Variants in CD96 observed in about 807,000 individuals in gnomAD.
CD96 encodes T-cell surface protein tactile.
CD96 carries 70 observed loss-of-function variants against 71.3 expected under a neutral mutation model. That is an observed-to-expected ratio of 0.98 (90% CI 0.81 to 1.20). The LOEUF is 1.20. Ranked by LOEUF, CD96 falls within the 50% of genes most tolerant of loss-of-function variation. The pLI is 0.00. For synonymous variants in CD96, 248 were observed against 233.0 expected, an observed-to-expected ratio of 1.06 and a Z score of -0.59; for missense variants, 742 against 677.5, an observed-to-expected ratio of 1.10 and a Z score of -1.06.
At position 111,550,584 on chromosome 3, in the gene CD96, C is replaced by T. The variant is rs148847125; in HGVS notation, c.418+5182C>T. Among the ~76,000 whole-genome samples the T allele has an allele frequency of 5.3e-5, 8 of 149,966 alleles. No homozygotes were observed. In the East Asian group the frequency reaches 5.9e-4, roughly 11 times the overall value. On this transcript the variant is annotated intron_variant, in intron 2 of 13. Transcript: ENST00000352690. Reference sequence around the variant, plus strand: ...ACTCACAACACAAGTAGGACTACCCCGATATTGAAAAAAAAAGAACAGTTT... The same window carrying T: ...ACTCACAACACAAGTAGGACTACCCTGATATTGAAAAAAAAAGAACAGTTT...
chr3:111,637,775 T>C (rs1939400100), intron 11 of CD96, among the ~76,000 whole-genome samples: 1 of 145,354 alleles, frequency 6.9e-6, no homozygotes, highest in Admixed American at 7.2e-5. Context: ...ATCATTTTGT[T>C]GTTTGGAAGT....
At chr3:111,591,107 G>C (rs544761433) in intron 5 of CD96, among the ~76,000 whole-genome samples, 2 of 152,242 alleles carry the variant, frequency 1.3e-5, no homozygotes, top group South Asian at 4.1e-4. Context: ...AGAAGCAGTG[G>C]CTCACGCCTG....
At position 111,606,804 on chromosome 3, in the gene CD96, T is replaced by C; in HGVS notation, c.1180+12T>C. 7.1e-7 allele frequency: 1 copy of C among 1,410,544 alleles called. No homozygotes were observed. Among genetic ancestry groups the C allele is most frequent in the Non-Finnish European group, 1.0e-6 (1 of 993,960 alleles). 87.4% of individuals were successfully genotyped at this position (1,410,544 alleles called of 1,614,324 possible). On this transcript the variant is annotated intron_variant, in intron 8 of 13. Coordinates refer to ENST00000352690, the MANE Select transcript of CD96 (RefSeq NM_005816.5). ...TGTATCTCCTGCAAGTAAGAATGTT[T>C]TCACACTGAGCTATTGATTTAACCA...
intron 12 of CD96, among the ~76,000 whole-genome samples, chr3:111,640,671 C>T (rs1454773493): frequency 2.0e-5 from 3 of 152,122 alleles, no homozygotes; most frequent in African/African-American, 4.8e-5. Flanking sequence ...AGATCTTTGC[C>T]GAGGCACATT....
chr3:111,612,296 T>C (rs944554203), intron 8 of CD96, among the ~76,000 whole-genome samples: 1 of 152,160 alleles, frequency 6.6e-6, no homozygotes, highest in Non-Finnish European at 1.5e-5. Context: ...TTTGTAGAAA[T>C]GGAGAGTGCT....
Position 111,542,299 on chromosome 3 carries a change from T to G in CD96, c.51T>G (p.His17Gln), listed in dbSNP as rs1189888820. 6.2e-7 allele frequency: 1 copy of G among 1,613,692 alleles called. No homozygotes were observed. The highest frequency in any genetic ancestry group is 1.1e-5 in the South Asian group (1 of 91,070). ...CTGTCTATTACATCATCCAGATACA[T>G]TTTGTCAAGGGTAAGACTTCCAGTT... ...YCAVYYIIQI[H>Q]FVKGVWEKTV... Residue 17 changes from histidine to glutamine, a missense_variant, in exon 1 of 14, where the codon CAT becomes CAG. Physicochemically the swap from His to Gln is conservative, Grantham distance 24. Transcript: ENST00000352690.
At chr3:111,654,549 A>G (rs954084880), downstream of CD96, among the ~76,000 whole-genome samples, 2 of 152,232 alleles carry the variant, frequency 1.3e-5, no homozygotes, top group Non-Finnish European at 2.9e-5. Context: ...AATCTCTGTT[A>G]TCCAAATCTC....
intron 10 of CD96, among the ~76,000 whole-genome samples, chr3:111,628,829 C>CTA (rs1938914486): frequency 6.6e-6 from 1 of 152,144 alleles, no homozygotes; most frequent in Non-Finnish European, 1.5e-5. Flanking sequence ...AGCAGAAATC[C>CTA]CACAATCCAG....
chr3:111,603,425 A>G (rs1937543514), intron 7 of CD96, among the ~76,000 whole-genome samples: 1 of 151,752 alleles, frequency 6.6e-6, no homozygotes, highest in Non-Finnish European at 1.5e-5. Context: ...AGCCTGGGCA[A>G]CAGAGCAAGG....
Position 111,545,291 on chromosome 3 carries a change from C to G in CD96, c.307C>G (p.Leu103Val), listed in dbSNP as rs754352126. 1 of 1,614,000 alleles carries G rather than the reference C, an allele frequency of 6.2e-7. No homozygotes were observed. The highest frequency in any genetic ancestry group is 8.5e-7 in the Non-Finnish European group (1 of 1,179,886). ...ETPENGSKWT[L>V]HLRNMSCSVS... ...TCCTGAGAATGGGTCAAAATGGACTCTGCACTTAAGGAATATGTCTTGTTC... is the reference window on the plus strand; with the variant it reads ...TCCTGAGAATGGGTCAAAATGGACTGTGCACTTAAGGAATATGTCTTGTTC... Residue 103 changes from leucine to valine, a missense_variant, in exon 2 of 14, where the codon CTG becomes GTG. By Grantham distance (32) the Leu-to-Val change is conservative (BLOSUM62 1). Coordinates refer to ENST00000352690, the MANE Select transcript of CD96 (RefSeq NM_005816.5).
intron 3 of CD96, among the ~76,000 whole-genome samples, chr3:111,569,607 C>A (rs138209512): frequency 1.3e-5 from 2 of 152,326 alleles, no homozygotes; most frequent in East Asian, 3.9e-4. Flanking sequence ...ATCTCAAATT[C>A]ATTAACAATG....
chr3:111,578,783 G>A (rs1416066068), intron 3 of CD96, among the ~76,000 whole-genome samples: 1 of 152,212 alleles, frequency 6.6e-6, no homozygotes, highest in Non-Finnish European at 1.5e-5. Flanking sequence ...AGAAGATTAT[G>A]AAGGAGAAGC....
intron 8 of CD96, among the ~76,000 whole-genome samples, chr3:111,622,424 T>C (rs115146838): frequency 3.9e-5 from 6 of 152,362 alleles, no homozygotes; most frequent in African/African-American, 1.2e-4. Flanking sequence ...GTATGACTCT[T>C]TTAATCATGA....
At chr3:111,632,277 A>G (rs1274704648) in intron 10 of CD96, among the ~76,000 whole-genome samples, 1 of 152,222 alleles carries the variant, frequency 6.6e-6, no homozygotes, top group Non-Finnish European at 1.5e-5. Context: ...TTTACAAGCA[A>G]AAAACAAACA....
chr3:111,626,058 C>A (rs1007428814), intron 10 of CD96, among the ~76,000 whole-genome samples: 5 of 152,090 alleles, frequency 3.3e-5, no homozygotes, highest in Non-Finnish European at 7.4e-5. Flanking sequence ...AATCCCAGCA[C>A]TTTGGGAGGC....
downstream of CD96, among the ~76,000 whole-genome samples, chr3:111,654,075 C>G (rs1489297677): frequency 1.3e-5 from 2 of 152,144 alleles, no homozygotes; most frequent in African/African-American, 2.4e-5. Context: ...GGCACCCAGA[C>G]TTAGGAGGGT....
Position 111,637,259 on chromosome 3 carries a change from A to T in CD96, c.1385A>T (p.His462Leu), listed in dbSNP as rs1349002259. Reference protein sequence around the residue: ...SSPSGAGSTLHDNVFTSTARA... With the variant: ...SSPSGAGSTLLDNVFTSTARA... ...CCGTCAGGTGCAGGCTCAACACTTC[A>T]TGGTGAGTACTTGGGGAAGATTTAG... is the stretch of plus-strand genomic sequence containing the variant. Residue 462 changes from histidine (H) to leucine (L), a missense_variant and splice_region_variant, in exon 11 of 14, where the codon CAT (histidine) becomes CTT (leucine). By Grantham distance (99) the His-to-Leu change is moderately conservative. Coordinates refer to ENST00000352690, the MANE Select transcript of CD96 (RefSeq NM_005816.5). 2.6e-6 allele frequency: 4 copies of T among 1,536,192 alleles called. No individual in the cohort carries two copies. The highest frequency in any genetic ancestry group is 2.7e-6 in the Non-Finnish European group (3 of 1,108,818).
At chr3:111,574,808 T>G (rs1056881435) in intron 3 of CD96, among the ~76,000 whole-genome samples, 15 of 151,500 alleles carry the variant, frequency 9.9e-5, no homozygotes, top group Admixed American at 9.2e-4. Context: ...TTTGAGGCAG[T>G]GTCTCACTTT....
At chr3:111,647,422 C>T in intron 12 of CD96, 121 bp from the exon 13 acceptor site, 1 of 904,938 alleles carries the variant, frequency 1.1e-6, no homozygotes, top group Non-Finnish European at 1.8e-6. Context: ...TGCCCACCTC[C>T]AGAGTATGAT....
Sources: allele counts gnomAD v4.1 joint callset (sites outside exome capture counted in the v4.1 genomes callset), GRCh38; gene constraint gnomAD v4.1.1; transcripts MANE v1.5; gene names NCBI Gene and HGNC (gene_info 2026-07-23, HGNC 2026-07-21).